The following USH2A variants were observed in gnomAD, a reference collection of about 807,000 sequenced individuals.
USH2A encodes the protein Usher syndrome 2A (autosomal recessive, mild).
USH2A carries 443 observed loss-of-function variants against 538.9 expected under a neutral mutation model. That is an observed-to-expected ratio of 0.82 (90% CI 0.76 to 0.89). The LOEUF is 0.89. USH2A is among the 40% of genes least tolerant of loss of function. The probability of loss-of-function intolerance (pLI) is 0.00; values close to 1 mark genes in which losing one functional copy is unlikely to be tolerated. For missense variants in USH2A, 6,633 were observed against 6,324.8 expected (o/e 1.05, Z -1.65); for synonymous variants, 2,413 against 2,273.5 (o/e 1.06, Z -1.75).
intron 9 of USH2A, among the ~76,000 whole-genome samples, chr1:216,309,430 T>A (rs2102634935): frequency 6.6e-6 from 1 of 152,284 alleles, no homozygotes; most frequent in South Asian, 2.1e-4. Flanking sequence ...AGCCAGACAG[T>A]CTCATAATTC....
chr1:216,006,142 A>C (rs1223762757), intron 32 of USH2A, among the ~76,000 whole-genome samples: 1 of 152,110 alleles, frequency 6.6e-6, no homozygotes, highest in African/African-American at 2.4e-5. Flanking sequence ...AACTTCCTCA[A>C]ATGCAATGCC....
rs58845914 is a variant in USH2A at position 216,370,677 on chromosome 1, C to CAAAAAAAAAAAAAAAAAAAAA, written c.652-5613_652-5593dup. 3.7e-4 allele frequency among the ~76,000 whole-genome samples: 11 copies of CAAAAAAAAAAAAAAAAAAAAA among 30,000 alleles called. 3 individuals carry two copies. The highest frequency in any genetic ancestry group is 0.036 in the Middle Eastern group (1 of 28). The allele number at this position is 30,000 out of a possible 152,430, so 19.7% of individuals were successfully genotyped here. A position where few individuals can be genotyped will look rare whatever the true frequency, so the allele number is the denominator to read the frequency against. ...TGGGGAACAGAGCCAGACTCTGTCT[C>CAAAAAAAAAAAAAAAAAAAAA]AAAAAAAAAAAAAAAAAAAAAAAAA... is the stretch of plus-strand genomic sequence containing the variant. On this transcript the variant is annotated intron_variant, in intron 3 of 71. Transcript: ENST00000307340.
At chr1:215,871,768 T>A (rs949890406) in intron 43 of USH2A, among the ~76,000 whole-genome samples, 1 of 152,208 alleles carries the variant, frequency 6.6e-6, no homozygotes, top group Admixed American at 6.5e-5. Flanking sequence ...ACGCATCAGA[T>A]GAAGCATCTA....
intron 21 of USH2A, among the ~76,000 whole-genome samples, chr1:216,117,972 GA>G (rs1257889678): frequency 2.7e-5 from 4 of 149,632 alleles, no homozygotes; most frequent in South Asian, 2.1e-4. Flanking sequence ...TGGTAAAAGT[GA>G]AAAAAAAAGT....
At chr1:215,697,287 A>G (rs1419105256) in intron 61 of USH2A, among the ~76,000 whole-genome samples, 1 of 151,972 alleles carries the variant, frequency 6.6e-6, no homozygotes, top group Non-Finnish European at 1.5e-5. Context: ...TTAGACGATA[A>G]CATGGCTAAA....
intron 21 of USH2A, among the ~76,000 whole-genome samples, chr1:216,116,666 A>G (rs938420759): frequency 6.6e-6 from 1 of 152,140 alleles, no homozygotes; most frequent in Admixed American, 6.6e-5. Flanking sequence ...TAAATAATAG[A>G]CTGTTAACTC....
chr1:216,342,162 CCCATCAAAA>C (rs1181777575), intron 4 of USH2A, among the ~76,000 whole-genome samples: 1 of 151,920 alleles, frequency 6.6e-6, no homozygotes, highest in Non-Finnish European at 1.5e-5. Context: ...AGAAAACAAC[CCCATCAAAA>C]AGTGGGCAAA....
intron 9 of USH2A, among the ~76,000 whole-genome samples, chr1:216,303,153 C>T (rs73098680): frequency 0.011 from 1,667 of 152,052 alleles, 30 homozygotes; most frequent in African/African-American, 0.039. Flanking sequence ...GGACACACCA[C>T]GTTCCCTTAA....
intron 30 of USH2A, among the ~76,000 whole-genome samples, chr1:216,065,199 T>C (rs2031311163): frequency 6.6e-6 from 1 of 152,172 alleles, no homozygotes; most frequent in Non-Finnish European, 1.5e-5. Flanking sequence ...ATCTGTGGGA[T>C]CTCGCCTTCA....
chr1:216,188,139 C>T (rs1337799687), intron 20 of USH2A, among the ~76,000 whole-genome samples: 1 of 151,832 alleles, frequency 6.6e-6, no homozygotes, highest in African/African-American at 2.4e-5. Context: ...ATCGCCTCAC[C>T]AGTAACTAAA....
At chr1:216,364,602 A>G (rs2038558273) in intron 4 of USH2A, among the ~76,000 whole-genome samples, 1 of 152,158 alleles carries the variant, frequency 6.6e-6, no homozygotes, top group Non-Finnish European at 1.5e-5. Context: ...GAGAAGATTC[A>G]GAGGAGAAGG....
In USH2A at chr1:215,790,122, T is replaced by A. The variant is rs1377811232; in HGVS notation, c.10119A>T (p.Gly3373=). The change falls in exon 51 of 72, where the codon GGA becomes GGT. Residue 3373 remains glycine, a synonymous_variant. Coordinates refer to ENST00000307340, the MANE Select transcript of USH2A (RefSeq NM_206933.4). The stretch of plus-strand genomic sequence containing the variant: ...CATATTTCAAAGGATTATATCCAAC[T>A]CCATTACAGCATTTCTGGCTCTTTG... ...LIPKSQKCCN[G]VGYNPLKYVC... 1 of 1,613,928 alleles carries A rather than the reference T, an allele frequency of 6.2e-7. No individual in the cohort carries two copies. The highest frequency in any genetic ancestry group is 8.5e-7 in the Non-Finnish European group (1 of 1,179,990).
chr1:215,931,782 C>T (rs1179868236), intron 38 of USH2A, among the ~76,000 whole-genome samples: 1 of 151,972 alleles, frequency 6.6e-6, no homozygotes, highest in Non-Finnish European at 1.5e-5. Flanking sequence ...GAGTAAGAAA[C>T]AGTTCCTACT....
rs1374461181 is a variant in USH2A at position 216,089,121 on chromosome 1, TTACTTCC to T, written c.4770_4776del (p.Glu1591LeufsTer18). 6.2e-7 allele frequency: 1 copy of T among 1,613,064 alleles called. No homozygotes were observed. The highest frequency in any genetic ancestry group is 8.5e-7 in the Non-Finnish European group (1 of 1,179,298). ...TGTTTGCCATGATCATTAGTTGTAG[TTACTTCC>T]ACTGGTGACCCCTTAAGGGAATGAA... On this transcript the variant is annotated frameshift_variant, in exon 23 of 72. Transcript: ENST00000307340. LOFTEE classifies it high-confidence loss of function.
At chr1:215,625,940 A>T (rs1265697778) in intron 71 of USH2A, 70 bp from the exon 72 acceptor site, 4 of 1,435,754 alleles carry the variant, frequency 2.8e-6, no homozygotes, top group Non-Finnish European at 3.9e-6. Flanking sequence ...ATTTATAGTT[A>T]TATCAATTAA....
At chr1:216,363,962 C>T (rs2038544608) in intron 4 of USH2A, among the ~76,000 whole-genome samples, 1 of 151,368 alleles carries the variant, frequency 6.6e-6, no homozygotes, top group Admixed American at 6.6e-5. Flanking sequence ...TTATATCTAT[C>T]TCTGAAGATA....
chr1:215,810,094 G>C (rs754889899), intron 49 of USH2A, among the ~76,000 whole-genome samples: 1 of 151,862 alleles, frequency 6.6e-6, no homozygotes, highest in Non-Finnish European at 1.5e-5. Context: ...TTGACACCAG[G>C]GTATGCATTC....
chr1:216,189,507 T>A, intron 20 of USH2A, among the ~76,000 whole-genome samples: 1 of 152,046 alleles, frequency 6.6e-6, no homozygotes, highest in East Asian at 1.9e-4. Flanking sequence ...AATTGGGTTT[T>A]ATAAGTCTTA....
At chr1:216,391,106 G>T (rs2039099339) in intron 3 of USH2A, among the ~76,000 whole-genome samples, 1 of 152,180 alleles carries the variant, frequency 6.6e-6, no homozygotes, top group Admixed American at 6.5e-5. Context: ...TAACCACAGA[G>T]TTCAGCTGAA....
Sources: allele counts gnomAD v4.1 joint callset (sites outside exome capture counted in the v4.1 genomes callset), GRCh38; gene constraint gnomAD v4.1.1; transcripts MANE v1.5; gene names NCBI Gene and HGNC (gene_info 2026-07-23, HGNC 2026-07-21).